The following NLGN1 variants were observed in gnomAD, a reference collection of about 807,000 sequenced individuals.
The protein encoded by NLGN1 is neuroligin 1, also known as neuroligin-1.
Under a neutral mutation model 65.5 loss-of-function variants are expected in NLGN1, and 12 were observed. The observed-to-expected ratio is 0.18, with a 90% CI of 0.12 to 0.30. The LOEUF is 0.30. Ranked by LOEUF, NLGN1 falls within the 10% of genes least tolerant of loss-of-function variation. NLGN1 has a pLI of 1.00. For synonymous variants in NLGN1, 350 were observed against 359.5 expected (o/e 0.97, Z 0.30); for missense variants, 750 against 1,007.1 (o/e 0.74, Z 3.46).
chr3:173,509,139 A>G (rs1013579539), intron 2 of NLGN1, among the ~76,000 whole-genome samples: 8 of 152,150 alleles, frequency 5.3e-5, no homozygotes, highest in Non-Finnish European at 1.5e-5. Context: ...TCTTATTGTT[A>G]TAAAGTCTCC....
At chr3:174,043,403 G>A (rs180705296) in intron 4 of NLGN1, among the ~76,000 whole-genome samples, 120 of 152,142 alleles carry the variant, frequency 7.9e-4, no homozygotes, top group African/African-American at 2.7e-3. Context: ...CTTTTCCCCC[G>A]ATGAGCCTGC....
intron 4 of NLGN1, among the ~76,000 whole-genome samples, chr3:173,853,296 A>T (rs779060612): frequency 8.5e-5 from 13 of 152,172 alleles, no homozygotes; most frequent in Non-Finnish European, 1.9e-4. Flanking sequence ...TGATGTTCCC[A>T]TTGCTGATGC....
chr3:173,419,557 G>A (rs1171606783), intron 1 of NLGN1, among the ~76,000 whole-genome samples: 1 of 152,152 alleles, frequency 6.6e-6, no homozygotes, highest in South Asian at 2.1e-4. Context: ...AACAGTGCTT[G>A]TGCAAGATGG....
At chr3:174,040,791 A>G (rs913262227) in intron 4 of NLGN1, among the ~76,000 whole-genome samples, 2 of 152,098 alleles carry the variant, frequency 1.3e-5, no homozygotes, top group Admixed American at 6.6e-5. Flanking sequence ...TTTACAGTAA[A>G]TGTTCATATA....
At chr3:173,836,894 C>T (rs989936899) in intron 4 of NLGN1, among the ~76,000 whole-genome samples, 17 of 152,244 alleles carry the variant, frequency 1.1e-4, no homozygotes, top group African/African-American at 4.1e-4. Flanking sequence ...AATGATAATG[C>T]TCACATGGGT....
intron 4 of NLGN1, among the ~76,000 whole-genome samples, chr3:173,810,059 T>C (rs1286606556): frequency 6.6e-6 from 1 of 152,198 alleles, no homozygotes; most frequent in South Asian, 2.1e-4. Context: ...ACATAAACTC[T>C]GTGAAACATT....
chr3:174,263,693 A>G (rs2152863032), intron 4 of NLGN1, among the ~76,000 whole-genome samples: 1 of 151,872 alleles, frequency 6.6e-6, no homozygotes, highest in African/African-American at 2.4e-5. Context: ...ATTTAAAGTT[A>G]ATATTGTTAT....
intron 4 of NLGN1, among the ~76,000 whole-genome samples, chr3:173,887,989 A>G (rs1370864195): frequency 1.3e-5 from 2 of 152,032 alleles, no homozygotes; most frequent in East Asian, 3.8e-4. Context: ...TTCTAATTAT[A>G]TCCCATTCCT....
intron 3 of NLGN1, among the ~76,000 whole-genome samples, chr3:173,628,002 T>C (rs1191876606): frequency 6.6e-6 from 1 of 152,144 alleles, no homozygotes; most frequent in Non-Finnish European, 1.5e-5. Flanking sequence ...TTTTTATCTT[T>C]TGTGTGAATG....
chr3:174,246,063 A>T (rs866700966), intron 4 of NLGN1, among the ~76,000 whole-genome samples: 3 of 152,326 alleles, frequency 2.0e-5, no homozygotes, highest in South Asian at 2.1e-4. Flanking sequence ...ATAATTTAGC[A>T]TAAGTTCATT....
At chr3:173,904,935 G>A (rs1232484373) in intron 4 of NLGN1, among the ~76,000 whole-genome samples, 1 of 152,142 alleles carries the variant, frequency 6.6e-6, no homozygotes, top group African/African-American at 2.4e-5. Context: ...ACCTGCCCTG[G>A]CTATCCAGGC....
At chr3:174,227,713 A>T (rs184568594) in intron 4 of NLGN1, among the ~76,000 whole-genome samples, 26 of 152,208 alleles carry the variant, frequency 1.7e-4, no homozygotes, top group Admixed American at 7.9e-4. Flanking sequence ...CTGGTGGCAA[A>T]TGTGTCACCT....
intron 4 of NLGN1, among the ~76,000 whole-genome samples, chr3:173,932,515 A>C (rs1744281876): frequency 6.6e-6 from 1 of 152,076 alleles, no homozygotes; most frequent in Non-Finnish European, 1.5e-5. Flanking sequence ...TTAAAAAAAA[A>C]AAAAAAGTGT....
chr3:174,217,500 T>C (rs949306839), intron 4 of NLGN1, among the ~76,000 whole-genome samples: 10 of 152,080 alleles, frequency 6.6e-5, no homozygotes, highest in Non-Finnish European at 1.2e-4. Flanking sequence ...GAGAGCCCTC[T>C]ATCAGGTTGC....
At chr3:173,862,969 G>C (rs1729434720) in intron 4 of NLGN1, among the ~76,000 whole-genome samples, 1 of 152,110 alleles carries the variant, frequency 6.6e-6, no homozygotes, top group East Asian at 1.9e-4. Flanking sequence ...GTGAGTTAAT[G>C]AATGTCAGAA....
intron 3 of NLGN1, among the ~76,000 whole-genome samples, chr3:173,761,451 A>G (rs906828485): frequency 6.6e-6 from 1 of 152,032 alleles, no homozygotes; most frequent in African/African-American, 2.4e-5. Flanking sequence ...AGTGTCCACA[A>G]TCAAGTGTGA....
intron 4 of NLGN1, among the ~76,000 whole-genome samples, chr3:174,206,449 A>G (rs1735433385): frequency 6.6e-6 from 1 of 152,018 alleles, no homozygotes. Flanking sequence ...ATACTACACC[A>G]GGGGGTTCAT....
At chr3:173,804,903 G>T (rs1247035084) in intron 3 of NLGN1, among the ~76,000 whole-genome samples, 2 of 152,094 alleles carry the variant, frequency 1.3e-5, no homozygotes, top group Non-Finnish European at 2.9e-5. Context: ...GTAGGCGCCT[G>T]TAATCCCAAC....
intron 4 of NLGN1, among the ~76,000 whole-genome samples, chr3:173,967,073 C>A (rs2152362455): frequency 6.6e-6 from 1 of 152,324 alleles, no homozygotes; most frequent in South Asian, 2.1e-4. Flanking sequence ...GATCCCAGGA[C>A]ATCGGCATGG....
Sources: gnomAD v4.1 joint callset for allele counts (sites outside exome capture counted in the v4.1 genomes callset) on GRCh38, gnomAD v4.1.1 for gene constraint, MANE v1.5 for transcripts, NCBI Gene and HGNC (gene_info 2026-07-23, HGNC 2026-07-21) for gene names.